Variants in SBF2 observed in about 807,000 individuals in gnomAD.
The protein encoded by SBF2 is myotubularin-related protein 13.
In SBF2, 112 loss-of-function variants were observed where a neutral mutation model predicts 225.2. The ratio of observed to expected loss-of-function variants is 0.50; its 90% CI spans 0.43 to 0.58. The LOEUF (loss-of-function observed/expected upper bound fraction) is 0.58, where lower values mean the gene tolerates loss of function less well. Among genes scored for constraint, SBF2 ranks in the 20% least tolerant of loss-of-function variants. The pLI, the probability that SBF2 is intolerant of heterozygous loss-of-function variation, is 0.00. For missense variants in SBF2, 1,996 were observed against 2,206.2 expected (o/e 0.90, Z 1.91); for synonymous variants, 763 against 773.3 (o/e 0.99, Z 0.22).
At chr11:9,831,335 G>A (rs1855387306) in intron 27 of SBF2, among the ~76,000 whole-genome samples, 2 of 152,154 alleles carry the variant, frequency 1.3e-5, no homozygotes, top group Admixed American at 6.5e-5. Context: ...AGGTGGCTTG[G>A]GAGCACACAG....
At chr11:9,806,313 A>G (rs760838155) in intron 32 of SBF2, among the ~76,000 whole-genome samples, 1 of 152,260 alleles carries the variant, frequency 6.6e-6, no homozygotes, top group African/African-American at 2.4e-5. Context: ...CAGTCGACAC[A>G]AATTAGTAAT....
At chr11:10,080,616 A>G (rs10743128) in intron 2 of SBF2, among the ~76,000 whole-genome samples, 146,312 of 152,152 alleles carry the variant, frequency 0.96, 70,601 homozygotes, top group Middle Eastern at 1. Context: ...TTACATATCA[A>G]TATTACTCTT....
rs576614920 is a variant in SBF2, at chr11:10,015,625, A to G, written c.619+12827T>C. On this transcript the variant is annotated intron_variant, in intron 6 of 39. Coordinates refer to ENST00000256190, the MANE Select transcript of SBF2 (RefSeq NM_030962.4). ...ACTGACCCTTGAGGTAGATTTTGAC[A>G]GAGATGCATTAGTTAAGGAGAAAAG... 1.7e-4 allele frequency among the ~76,000 whole-genome samples: 26 copies of G among 152,326 alleles called. No individual in the cohort carries two copies. The East Asian group carries it at 4.8e-3, about 28-fold the overall frequency.
At chr11:10,032,326 C>T (rs368877320) in intron 3 of SBF2, among the ~76,000 whole-genome samples, 6 of 152,162 alleles carry the variant, frequency 3.9e-5, no homozygotes, top group African/African-American at 7.2e-5. Context: ...GCTACCATAA[C>T]GCTGTGAGCT....
At chr11:9,786,698 T>C (rs772443256) in intron 36 of SBF2, among the ~76,000 whole-genome samples, 4 of 152,224 alleles carry the variant, frequency 2.6e-5, no homozygotes, top group Non-Finnish European at 4.4e-5. Context: ...CAGTTGCCAC[T>C]GTATGCTCTC....
intron 16 of SBF2, among the ~76,000 whole-genome samples, chr11:9,937,067 A>G (rs1864949248): frequency 6.6e-6 from 1 of 152,242 alleles, no homozygotes; most frequent in Non-Finnish European, 1.5e-5. Flanking sequence ...AGGAAGGGCC[A>G]ACATCTGAAT....
At chr11:9,943,979 G>A (rs1204015295) in intron 16 of SBF2, among the ~76,000 whole-genome samples, 1 of 152,134 alleles carries the variant, frequency 6.6e-6, no homozygotes, top group African/African-American at 2.4e-5. Context: ...TTCATTGCCA[G>A]GGCAATGAAA....
In SBF2 at chr11:10,235,942, G is replaced by C. The variant is rs545466326; in HGVS notation, c.56-41955C>G. Among the ~76,000 whole-genome samples the C allele has an allele frequency of 2.7e-3, 412 of 152,162 alleles. 2 individuals are homozygous for C. Among genetic ancestry groups the C allele is most frequent in the South Asian group, 4.8e-3 (23 of 4,818 alleles). On this transcript the variant is annotated intron_variant, in intron 1 of 39. Transcript: ENST00000256190. ...AACAATTAGCCAGGTGTGGTGATTT[G>C]TGCCTGTGGTCCCAGCTACTCAGGA... is the stretch of plus-strand genomic sequence containing the variant.
chr11:9,794,676 C>CAGAAAAAAAAAAA (rs1852987067), intron 33 of SBF2, among the ~76,000 whole-genome samples: 1 of 35,348 alleles, frequency 2.8e-5, no homozygotes, highest in Non-Finnish European at 4.8e-5. Context: ...GACTCCGTCT[C>CAGAAAAAAAAAAA]AAAAAAAAAA....
chr11:9,980,857 C>A (rs950448378), intron 13 of SBF2, among the ~76,000 whole-genome samples: 1 of 152,152 alleles, frequency 6.6e-6, no homozygotes, highest in East Asian at 1.9e-4. Context: ...TGAGCCACTG[C>A]GCCCAGCAAT....
chr11:10,286,187 C>T, intron 1 of SBF2, among the ~76,000 whole-genome samples: 1 of 152,132 alleles, frequency 6.6e-6, no homozygotes. Context: ...CACACACACA[C>T]ACACACACGG....
intron 1 of SBF2, among the ~76,000 whole-genome samples, chr11:10,262,304 T>C (rs1009545542): frequency 2.0e-5 from 3 of 152,196 alleles, no homozygotes; most frequent in South Asian, 4.1e-4. Context: ...TAGGTAGTAC[T>C]ATACAGGCGT....
At chr11:9,834,827 T>A (rs764833801) in intron 26 of SBF2, among the ~76,000 whole-genome samples, 14 of 152,204 alleles carry the variant, frequency 9.2e-5, no homozygotes, top group Non-Finnish European at 1.3e-4. Context: ...AGGAGCTACT[T>A]CAATAATCGG....
chr11:10,195,810 T>G (rs1019075714), intron 1 of SBF2, among the ~76,000 whole-genome samples: 1 of 152,242 alleles, frequency 6.6e-6, no homozygotes, highest in Non-Finnish European at 1.5e-5. Context: ...GAATAATTGC[T>G]GCAGTACAGT....
intron 14 of SBF2, among the ~76,000 whole-genome samples, chr11:9,964,345 C>T (rs1419450793): frequency 7.9e-5 from 12 of 152,188 alleles, no homozygotes; most frequent in African/African-American, 2.7e-4. Context: ...ATTTTGATTA[C>T]ATGTTCCAGT....
At chr11:9,972,147 C>T (rs1447772393) in intron 13 of SBF2, among the ~76,000 whole-genome samples, 1 of 152,114 alleles carries the variant, frequency 6.6e-6, no homozygotes, top group African/African-American at 2.4e-5. Flanking sequence ...AATTCACTTA[C>T]CCCATGTGTT....
chr11:9,813,617 C>T (rs1176267549), intron 29 of SBF2, among the ~76,000 whole-genome samples: 8 of 152,172 alleles, frequency 5.3e-5, no homozygotes, highest in Non-Finnish European at 8.8e-5. Context: ...TGAGCCACCA[C>T]GCCCAGTCCT....
chr11:10,053,507 C>T (rs2403230), intron 2 of SBF2, among the ~76,000 whole-genome samples: 69,843 of 151,974 alleles, frequency 0.46, 16,464 homozygotes, highest in Admixed American at 0.56. Flanking sequence ...AATAAAGTAA[C>T]AGAAGCTTTA....
chr11:9,873,602 T>C (rs1564940539), intron 17 of SBF2, among the ~76,000 whole-genome samples: 1 of 152,178 alleles, frequency 6.6e-6, no homozygotes, highest in South Asian at 2.1e-4. Context: ...TCTGCCTAGG[T>C]AGAGGAACAG....
Sources: allele counts gnomAD v4.1 joint callset (sites outside exome capture counted in the v4.1 genomes callset), GRCh38; gene constraint gnomAD v4.1.1; transcripts MANE v1.5; gene names NCBI Gene and HGNC (gene_info 2026-07-23, HGNC 2026-07-21).